CADM2: variants seen among roughly 807,000 people sequenced by gnomAD.
The protein encoded by CADM2 is cell adhesion molecule 2.
Under a neutral mutation model 49.8 loss-of-function variants are expected in CADM2, and 12 were observed. The ratio of observed to expected loss-of-function variants is 0.24; its 90% confidence interval spans 0.15 to 0.39. The LOEUF is 0.39. CADM2 is among the 10% of genes least tolerant of loss of function. The pLI, the probability that CADM2 is intolerant of heterozygous loss-of-function variation, is 1.00. For missense variants in CADM2, 378 were observed against 492.3 expected, an observed-to-expected ratio of 0.77 and a Z score of 2.20; for synonymous variants, 214 against 175.4, an observed-to-expected ratio of 1.22 and a Z score of -1.74.
chr3:85,763,064 C>A (rs1035001549), intron 2 of CADM2, among the ~76,000 whole-genome samples: 1 of 152,078 alleles, frequency 6.6e-6, no homozygotes, highest in Admixed American at 6.6e-5. Flanking sequence ...ATTAGAGCTT[C>A]CTGATAAGAC....
At chr3:85,909,823 C>T (rs1442762398) in intron 5 of CADM2, among the ~76,000 whole-genome samples, 1 of 152,062 alleles carries the variant, frequency 6.6e-6, no homozygotes, top group South Asian at 2.1e-4. Flanking sequence ...TGTAATGCAT[C>T]GTTATTTTAA....
chr3:85,293,178 G>T (rs1226415529), intron 1 of CADM2, among the ~76,000 whole-genome samples: 1 of 152,026 alleles, frequency 6.6e-6, no homozygotes, highest in South Asian at 2.1e-4. Context: ...AAATAAACTG[G>T]AAAATCTAGA....
chr3:85,256,818 A>T (rs1288016977), intron 1 of CADM2, among the ~76,000 whole-genome samples: 1 of 152,144 alleles, frequency 6.6e-6, no homozygotes, highest in East Asian at 1.9e-4. Flanking sequence ...CACAATGTAC[A>T]AACAGTTATA....
At chr3:85,443,510 T>C (rs1384290006) in intron 1 of CADM2, among the ~76,000 whole-genome samples, 1 of 152,126 alleles carries the variant, frequency 6.6e-6, no homozygotes, top group African/African-American at 2.4e-5. Flanking sequence ...ACTCTTTCCA[T>C]TCAGTTTTTA....
intron 1 of CADM2, among the ~76,000 whole-genome samples, chr3:85,344,255 C>A (rs1207632179): frequency 6.6e-6 from 1 of 151,584 alleles, no homozygotes; most frequent in East Asian, 1.9e-4. Context: ...GTGGCAGGCA[C>A]CTGTAGTCCC....
chr3:85,861,672 G>C (rs1324535442), intron 3 of CADM2, among the ~76,000 whole-genome samples: 6 of 152,066 alleles, frequency 3.9e-5, no homozygotes, highest in Admixed American at 2.0e-4. Context: ...GATATTTGTT[G>C]ATGGTGATAG....
intron 3 of CADM2, among the ~76,000 whole-genome samples, chr3:85,881,250 A>G (rs1462857979): frequency 6.6e-6 from 1 of 152,032 alleles, no homozygotes; most frequent in East Asian, 1.9e-4. Flanking sequence ...TCCATTTTTA[A>G]TAACATTTTT....
At chr3:85,728,485 T>C (rs2067797082) in intron 2 of CADM2, among the ~76,000 whole-genome samples, 1 of 152,070 alleles carries the variant, frequency 6.6e-6, no homozygotes, top group African/African-American at 2.4e-5. Context: ...ATAGAAAGAA[T>C]TACTCAGTGA....
chr3:85,447,600 G>A (rs2037529247), intron 1 of CADM2, among the ~76,000 whole-genome samples: 1 of 152,086 alleles, frequency 6.6e-6, no homozygotes, highest in Admixed American at 6.5e-5. Context: ...CACACGTTGT[G>A]GCTACAAAAA....
chr3:85,762,669 T>G (rs187988144), intron 2 of CADM2, among the ~76,000 whole-genome samples: 1 of 151,828 alleles, frequency 6.6e-6, no homozygotes, highest in Admixed American at 6.6e-5. Flanking sequence ...TTCTTTTCAT[T>G]TTTACCATAA....
In CADM2 at chr3:85,158,276, A is replaced by G. The variant is rs562471419; in HGVS notation, c.61+198608A>G. Reference sequence around the variant, plus strand: ...AACTAGTTCAACCATTGTGGAAGACAGTGTGGCAATTCCTCAGGGATCTAG... The same window carrying G: ...AACTAGTTCAACCATTGTGGAAGACGGTGTGGCAATTCCTCAGGGATCTAG... On this transcript the variant is annotated intron_variant, in intron 1 of 9. Coordinates refer to ENST00000383699, the MANE Select transcript of CADM2 (RefSeq NM_001167675.2). 3.1e-3 allele frequency among the ~76,000 whole-genome samples: 467 copies of G among 152,346 alleles called. 1 individual carries two copies. The highest frequency in any genetic ancestry group is 9.9e-3 in the African/African-American group (411 of 41,576).
At chr3:85,866,527 T>G (rs2108338508) in intron 3 of CADM2, among the ~76,000 whole-genome samples, 1 of 152,306 alleles carries the variant, frequency 6.6e-6, no homozygotes, top group Non-Finnish European at 1.5e-5. Flanking sequence ...TGTTTTGCAA[T>G]TATCACCTAC....
At chr3:85,858,043 G>A (rs2075381355) in intron 3 of CADM2, among the ~76,000 whole-genome samples, 1 of 152,150 alleles carries the variant, frequency 6.6e-6, no homozygotes, top group Non-Finnish European at 1.5e-5. Context: ...TTTTGTGTTA[G>A]CAGTGGAGAC....
chr3:85,592,096 A>G (rs1368883367), intron 1 of CADM2, among the ~76,000 whole-genome samples: 1 of 152,016 alleles, frequency 6.6e-6, no homozygotes, highest in Non-Finnish European at 1.5e-5. Context: ...CATCCAGCAA[A>G]TGTTTGCAAA....
intron 1 of CADM2, among the ~76,000 whole-genome samples, chr3:85,100,344 G>A (rs575689832): frequency 2.0e-5 from 3 of 152,138 alleles, no homozygotes; most frequent in Non-Finnish European, 2.9e-5. Flanking sequence ...GCTTTCAAGC[G>A]TGCAGTGATT....
rs73125111 is a variant in CADM2, at chr3:85,061,820, C to G, written c.61+102152C>G. Reference sequence around the variant, plus strand: ...CGATATATACATATATACACATATACTTTTTATTACTTAATAGTTGATTTG... The same window carrying G: ...CGATATATACATATATACACATATAGTTTTTATTACTTAATAGTTGATTTG... On this transcript the variant is annotated intron_variant, in intron 1 of 9. Coordinates refer to ENST00000383699, the MANE Select transcript of CADM2 (RefSeq NM_001167675.2). 7.8e-3 allele frequency among the ~76,000 whole-genome samples: 1,193 copies of G among 152,192 alleles called. 13 individuals are homozygous for G. Among genetic ancestry groups the G allele is most frequent in the Middle Eastern group, 0.014 (4 of 294 alleles).
intron 1 of CADM2, among the ~76,000 whole-genome samples, chr3:85,638,687 G>T (rs1051948481): frequency 6.6e-6 from 1 of 151,930 alleles, no homozygotes; most frequent in Non-Finnish European, 1.5e-5. Flanking sequence ...CTTAAAATTT[G>T]CTTTAAATGC....
intron 1 of CADM2, among the ~76,000 whole-genome samples, chr3:85,568,453 T>TCTC (rs1559915923): frequency 4.0e-4 from 11 of 27,576 alleles, no homozygotes; most frequent in African/African-American, 1.0e-3. Flanking sequence ...CTTTCTTTCT[T>TCTC]TCTTTCTTTC....
chr3:85,141,096 C>T (rs1559685054), intron 1 of CADM2, among the ~76,000 whole-genome samples: 2 of 152,104 alleles, frequency 1.3e-5, no homozygotes, highest in Non-Finnish European at 1.5e-5. Flanking sequence ...TCATATTCTG[C>T]AAAACCCTGG....
Sources: allele counts gnomAD v4.1 joint callset (sites outside exome capture counted in the v4.1 genomes callset), GRCh38; gene constraint gnomAD v4.1.1; transcripts MANE v1.5; gene names NCBI Gene and HGNC (gene_info 2026-07-23, HGNC 2026-07-21).